The following TBR1 variants were observed in gnomAD, a reference collection of about 807,000 sequenced individuals.
TBR1 encodes T-box brain transcription factor 1.
A neutral mutation model predicts 60.3 loss-of-function variants in TBR1; 7 were observed. The observed-to-expected ratio is 0.12, with a 90% CI of 0.07 to 0.22. The LOEUF (loss-of-function observed/expected upper bound fraction) is 0.22. Among genes scored for constraint, TBR1 ranks in the 10% least tolerant of loss-of-function variants. TBR1 has a pLI of 1.00. For missense variants in TBR1, 616 were observed against 936.8 expected (o/e 0.66, Z 4.47); for synonymous variants, 417 against 409.9 (o/e 1.02, Z -0.21).
Position 161,416,878 on chromosome 2 carries a change from C to T in TBR1, c.468C>T (p.Ala156=), listed in dbSNP as rs374065797. 2.1e-5 allele frequency: 34 copies of T among 1,614,046 alleles called. No homozygotes were observed. In the African/African-American group the frequency reaches 4.1e-4, roughly 20 times the overall value. Residue 156 remains alanine (A), a synonymous_variant, in exon 1 of 6, where the codon GCC becomes GCT. Coordinates refer to ENST00000389554, the MANE Select transcript of TBR1 (RefSeq NM_006593.4). The surrounding 1 kb of genome is among the most constrained non-coding windows in gnomAD (Gnocchi z 6.1). ...ACCACCCGGTCATCACCAACGGAGC[C>T]TACAACAGCCTCCTGTCCAACTCCT... is the stretch of plus-strand genomic sequence containing the variant. ...MAHHPVITNG[A]YNSLLSNSSP...
Position 161,416,502 on chromosome 2 carries a change from A to C in TBR1, c.92A>C (p.Glu31Ala). Residue 31 changes from glutamate to alanine, a missense_variant, in exon 1 of 6, where the codon GAG (glutamate) becomes GCG (alanine). Around this residue, in one of 8 missense-constraint regions of TBR1, gnomAD observed 211 missense variants for 268.7 expected, o/e 0.79. Transcript: ENST00000389554. The surrounding 1 kb of genome is among the most constrained non-coding windows in gnomAD (Gnocchi z 6.1). Reference sequence around the variant, plus strand: ...AGCTACCCACATTCAGGCGGATCCGAGCTTGTCTTGCACGATCATCCCATT... The same window carrying C: ...AGCTACCCACATTCAGGCGGATCCGCGCTTGTCTTGCACGATCATCCCATT... ...SSSYPHSGGSELVLHDHPIIS... is the reference protein window; with the variant it reads ...SSSYPHSGGSALVLHDHPIIS... 2 of 1,614,142 alleles carry C rather than the reference A, an allele frequency of 1.2e-6. No individual in the cohort carries two copies. The highest frequency in any genetic ancestry group is 1.1e-5 in the South Asian group (1 of 91,068).
At position 161,424,424 on chromosome 2, in the gene TBR1, A is replaced by T; in HGVS notation, c.*197A>T. ...TTTTTGCACAGCAGTCTCTGCAATT[A>T]GCTCACCGACCTTCAACTTTGCTGT... On this transcript the variant is annotated 3_prime_UTR_variant, in exon 6 of 6. Transcript: ENST00000389554. The surrounding 1 kb of genome is among the most constrained non-coding windows in gnomAD (Gnocchi z 4.4). 1.6e-6 allele frequency: 1 copy of T among 614,552 alleles called. No homozygotes were observed. The highest frequency in any genetic ancestry group is 2.9e-5 in the East Asian group (1 of 34,152). 38.1% of individuals were successfully genotyped at this position (614,552 alleles called of 1,614,324 possible). A position where few individuals can be genotyped will look rare whatever the true frequency, so the allele number is the denominator to read the frequency against.
At chr2:161,419,212 G>A (rs980015432) in intron 4 of TBR1, 162 bp downstream of exon 4, 3 of 1,020,308 alleles carry the variant, frequency 2.9e-6, no homozygotes, top group Admixed American at 3.1e-5. Flanking sequence ...GCCTGCCCAC[G>A]GCACCTTTCC....
intron 5 of TBR1, 175 bp from the exon 6 acceptor site, chr2:161,423,194 G>T (rs1684258791): frequency 2.2e-6 from 1 of 465,080 alleles, no homozygotes. Context: ...TTTTGGGAAT[G>T]ATAGAGGTCT....
Position 161,417,173 on chromosome 2 carries a change from C to T in TBR1, c.692+71C>T, listed in dbSNP as rs998011458. 1 of 1,462,096 alleles carries T rather than the reference C, an allele frequency of 6.8e-7. No homozygotes were observed. The allele number at this position is 1,462,096 out of a possible 1,614,324, so 90.6% of individuals were successfully genotyped here. On this transcript the variant is annotated intron_variant, in intron 1 of 5. Transcript: ENST00000389554. The surrounding 1 kb of genome is among the most constrained non-coding windows in gnomAD (Gnocchi z 5.3). ...ACAAGTGCACCTAGGCTGTGACTGCCGCGGCAGCGACGATTTGGGGTCGGG... is the reference window on the plus strand; with the variant it reads ...ACAAGTGCACCTAGGCTGTGACTGCTGCGGCAGCGACGATTTGGGGTCGGG...
chr2:161,417,958 G>C lies in TBR1; in HGVS notation c.847+128G>C, dbSNP rs1054280135. 1 of 1,463,152 alleles carries C rather than the reference G, an allele frequency of 6.8e-7. No individual in the cohort carries two copies. The highest frequency in any genetic ancestry group is 9.0e-7 in the Non-Finnish European group (1 of 1,107,168). 90.6% of individuals were successfully genotyped at this position (1,463,152 alleles called of 1,614,324 possible). ...CAATGACTTCTAAAAGGAAACGAGGGGGACAGGGGGACAGACTGAGCTGCG... is the reference window on the plus strand; with the variant it reads ...CAATGACTTCTAAAAGGAAACGAGGCGGACAGGGGGACAGACTGAGCTGCG... On this transcript the variant is annotated intron_variant, in intron 2 of 5. Coordinates refer to ENST00000389554, the MANE Select transcript of TBR1 (RefSeq NM_006593.4). The surrounding 1 kb of genome is among the most constrained non-coding windows in gnomAD (Gnocchi z 5.3).
rs116575379 is a variant in TBR1, at chr2:161,417,652, C to T, written c.693-24C>T. 2,892 of 1,596,054 alleles carry T rather than the reference C, an allele frequency of 1.8e-3. 57 individuals are homozygous for T. The African/African-American group carries it at 0.036, about 20-fold the overall frequency. On this transcript the variant is annotated intron_variant, in intron 1 of 5. Coordinates refer to ENST00000389554, the MANE Select transcript of TBR1 (RefSeq NM_006593.4). This position sits in a 1 kb window ranked among gnomAD's most constrained non-coding sequence, Gnocchi z 5.3. ...TATGTTTCTTTTTTCCTTGTTTTCT[C>T]CCCCCACCCCTTAATTTAAATAGGC...
At position 161,416,348 on chromosome 2, in the gene TBR1, G is replaced by GT. The variant is rs1442510499; in HGVS notation, c.-60dup. 3.0e-6 allele frequency: 4 copies of GT among 1,347,094 alleles called. No individual in the cohort carries two copies. In the African/African-American group the frequency reaches 5.9e-5, roughly 20 times the overall value. The allele number at this position is 1,347,094 out of a possible 1,614,324, so 83.4% of individuals were successfully genotyped here. ...TAGTGAGGGGGTCTGTGGATTTCTAGTTTATGATAAATAGGACTTTAAAAA... is the reference window on the plus strand; with the variant it reads ...TAGTGAGGGGGTCTGTGGATTTCTAGTTTTATGATAAATAGGACTTTAAAAA... On this transcript the variant is annotated 5_prime_UTR_variant, in exon 1 of 6. Coordinates refer to ENST00000389554, the MANE Select transcript of TBR1 (RefSeq NM_006593.4). The surrounding 1 kb of genome is among the most constrained non-coding windows in gnomAD (Gnocchi z 6.1).
At chr2:161,420,418 C>CTT (rs67826360) in intron 5 of TBR1, 161 bp downstream of exon 5, 368 of 95,294 alleles carry the variant, frequency 3.9e-3, no homozygotes, top group East Asian at 6.1e-3. Flanking sequence ...TCTTCCTCTT[C>CTT]TTTTTTTTTT....
At position 161,423,904 on chromosome 2, in the gene TBR1, G is replaced by A. The variant is rs1393167410; in HGVS notation, c.1726G>A (p.Ala576Thr). Residue 576 changes from alanine (A) to threonine (T), a missense_variant, in exon 6 of 6, where the codon GCC becomes ACC. Ala to Thr is a moderately conservative substitution (Grantham distance 58, BLOSUM62 0). Transcript: ENST00000389554. ...CAGCGCCGCGGCCGCCGCGCGCATG[G>A]CCGGCGCCAATCCCTACCTGGGCGA... is the stretch of plus-strand genomic sequence containing the variant. Reference protein sequence around the residue: ...PNSAAAAARMAGANPYLGEEA... With the variant: ...PNSAAAAARMTGANPYLGEEA... 2.8e-6 allele frequency: 4 copies of A among 1,413,048 alleles called. No individual in the cohort carries two copies. The African/African-American group carries it at 4.5e-5, about 16-fold the overall frequency. 87.5% of individuals were successfully genotyped at this position (1,413,048 alleles called of 1,614,324 possible). A position where few individuals can be genotyped will look rare whatever the true frequency, so the allele number is the denominator to read the frequency against.
intron 3 of TBR1, 164 bp from the exon 4 acceptor site, chr2:161,418,728 A>AGCCAGCCAGCC: frequency 2.0e-6 from 2 of 984,902 alleles, no homozygotes; most frequent in Non-Finnish European, 2.9e-6. Flanking sequence ...GGTCTGCCCC[A>AGCCAGCCAGCC]GCCAGCCAGC....
chr2:161,418,094 GTA>G (rs1338062919), intron 2 of TBR1, 105 bp from the exon 3 acceptor site: 65 of 1,435,908 alleles, frequency 4.5e-5, no homozygotes, highest in African/African-American at 4.4e-4. Context: ...TAAGGTGTGT[GTA>G]TGTGTGTGTG....
In TBR1 at chr2:161,424,108, G is replaced by C; in HGVS notation, c.1930G>C (p.Asp644His). Residue 644 changes from aspartate (D) to histidine (H), a missense_variant, in exon 6 of 6, where the codon GAC (aspartate) becomes CAC (histidine). This residue lies in a region of TBR1 where 210 missense variants were observed against 297.4 expected (regional missense o/e 0.71). Transcript: ENST00000389554. This position sits in a 1 kb window ranked among gnomAD's most constrained non-coding sequence, Gnocchi z 4.4. ...CAAGCGGAGGCGGATCTCGCCGGCC[G>C]ACACGCCCGTGTCCGAGAGTTCGTC... Reference protein sequence around the residue: ...QAKRRRISPADTPVSESSSPL... With the variant: ...QAKRRRISPAHTPVSESSSPL... The C allele has an allele frequency of 6.2e-7, 1 of 1,612,266 alleles. No homozygotes were observed. Among genetic ancestry groups the C allele is most frequent in the Non-Finnish European group, 8.5e-7 (1 of 1,179,460 alleles).
In TBR1 at chr2:161,423,773, C is replaced by T; in HGVS notation, c.1595C>T (p.Thr532Ile). 6.8e-7 allele frequency: 1 copy of T among 1,480,884 alleles called. No individual in the cohort carries two copies. The highest frequency in any genetic ancestry group is 8.9e-7 in the Non-Finnish European group (1 of 1,121,922). The allele number at this position is 1,480,884 out of a possible 1,614,324, so 91.7% of individuals were successfully genotyped here. ...KALPLQAAGC[T>I]GRPLGYYADP... is the part of the protein sequence containing the mutation. ...CTGCCGCTGCAGGCTGCAGGCTGCA[C>T]TGGCCGCCCGCTCGGCTACTACGCC... The change falls in exon 6 of 6, where the codon ACT becomes ATT. Residue 532 changes from threonine (T) to isoleucine (I), a missense_variant. This residue lies in a region of TBR1 where 210 missense variants were observed against 297.4 expected (regional missense o/e 0.71). Coordinates refer to ENST00000389554, the MANE Select transcript of TBR1 (RefSeq NM_006593.4).
chr2:161,417,934 AAT>A lies in TBR1; in HGVS notation c.847+105_847+106del. On this transcript the variant is annotated intron_variant, in intron 2 of 5. Transcript: ENST00000389554. The surrounding 1 kb of genome is among the most constrained non-coding windows in gnomAD (Gnocchi z 5.3). ...CGAGCGACTTTTAAAACGATCGGCC[AAT>A]GACTTCTAAAAGGAAACGAGGGGGA... 6.7e-7 allele frequency: 1 copy of A among 1,489,006 alleles called. No homozygotes were observed. Among genetic ancestry groups the A allele is most frequent in the South Asian group, 1.4e-5 (1 of 72,508 alleles). The allele number at this position is 1,489,006 out of a possible 1,614,324, so 92.2% of individuals were successfully genotyped here. A position where few individuals can be genotyped will look rare whatever the true frequency, so the allele number is the denominator to read the frequency against.
rs1413114353 is a variant in TBR1, at chr2:161,416,972, C to A, written c.562C>A (p.Pro188Thr). 3.7e-6 allele frequency: 6 copies of A among 1,614,092 alleles called. No individual in the cohort carries two copies. In the Admixed American group the frequency reaches 6.7e-5, roughly 18 times the overall value. Residue 188 changes from proline to threonine, a missense_variant, in exon 1 of 6, where the codon CCG becomes ACG. Physicochemically the swap from Pro to Thr is conservative, Grantham distance 38 (BLOSUM62 -1). Around this residue, in one of 8 missense-constraint regions of TBR1, gnomAD observed 211 missense variants for 268.7 expected, o/e 0.79. Coordinates refer to ENST00000389554, the MANE Select transcript of TBR1 (RefSeq NM_006593.4). The surrounding 1 kb of genome is among the most constrained non-coding windows in gnomAD (Gnocchi z 6.1). ...GTACGGCCACTCCTACCAAGGAGCT[C>A]CGTTCTACCAGTTCTCCTCCACCCA... is the stretch of plus-strand genomic sequence containing the variant. The part of the protein sequence containing the change: ...QQYGHSYQGA[P>T]FYQFSSTQPG...
Position 161,424,313 on chromosome 2 carries a change from C to T in TBR1, c.*86C>T. The T allele has an allele frequency of 7.3e-7, 1 of 1,362,506 alleles. No homozygotes were observed. Among genetic ancestry groups the T allele is most frequent in the Non-Finnish European group, 9.9e-7 (1 of 1,010,494 alleles). 84.4% of individuals were successfully genotyped at this position (1,362,506 alleles called of 1,614,324 possible). A position where few individuals can be genotyped will look rare whatever the true frequency, so the allele number is the denominator to read the frequency against. ...TTCCCCAGCTCCGCCTCCCCACACTCCTCCTTGCGCACCCACTCATTTTAT... is the reference window on the plus strand; with the variant it reads ...TTCCCCAGCTCCGCCTCCCCACACTTCTCCTTGCGCACCCACTCATTTTAT... On this transcript the variant is annotated 3_prime_UTR_variant, in exon 6 of 6. Coordinates refer to ENST00000389554, the MANE Select transcript of TBR1 (RefSeq NM_006593.4). This position sits in a 1 kb window ranked among gnomAD's most constrained non-coding sequence, Gnocchi z 4.4.
In TBR1 at chr2:161,424,362, G is replaced by A. The variant is rs1410222992; in HGVS notation, c.*135G>A. The A allele has an allele frequency of 9.1e-6, 9 of 984,072 alleles. No individual in the cohort carries two copies. Among genetic ancestry groups the A allele is most frequent in the Non-Finnish European group, 1.3e-5 (9 of 676,400 alleles). The allele number at this position is 984,072 out of a possible 1,614,324, so 61.0% of individuals were successfully genotyped here. A position where few individuals can be genotyped will look rare whatever the true frequency, so the allele number is the denominator to read the frequency against. ...ATTTGACCCTCGATGGCCGTCTGCA[G>A]CGAATAAGTGCAGGTCTCCGAGCGT... On this transcript the variant is annotated 3_prime_UTR_variant, in exon 6 of 6. Coordinates refer to ENST00000389554, the MANE Select transcript of TBR1 (RefSeq NM_006593.4). This position sits in a 1 kb window ranked among gnomAD's most constrained non-coding sequence, Gnocchi z 4.4.
Position 161,423,642 on chromosome 2 carries a change from G to C in TBR1, c.1464G>C (p.Pro488=). 6.5e-7 allele frequency: 1 copy of C among 1,540,582 alleles called. No homozygotes were observed. The highest frequency in any genetic ancestry group is 8.7e-7 in the Non-Finnish European group (1 of 1,152,150). Residue 488 remains proline (P), a synonymous_variant, in exon 6 of 6, where the codon CCG becomes CCC. Transcript: ENST00000389554. ...CGCCGCAACGCTGGTTTGTGACGCC[G>C]GCCAACAACCGGCTGGACTTCGCGG... ...APSPQRWFVT[P]ANNRLDFAAS... is the part of the protein sequence containing the mutation.
Sources: gnomAD v4.1 joint callset for allele counts on GRCh38, gnomAD v4.1.1 for gene constraint, gnomAD v4.1.1 regional missense constraint, Gnocchi (gnomAD v3.1) non-coding constraint, MANE v1.5 for transcripts, NCBI Gene and HGNC (gene_info 2026-07-23, HGNC 2026-07-21) for gene names.